The following WIPF3 variants were observed in gnomAD, a reference collection of about 807,000 sequenced individuals.
WIPF3 encodes WAS/WASL-interacting protein family member 3.
In WIPF3, 33 loss-of-function variants were observed where a neutral mutation model predicts 38.9. That is an observed-to-expected ratio of 0.85 (90% confidence interval 0.64 to 1.14). The LOEUF (loss-of-function observed/expected upper bound fraction) is 1.14, where lower values mean the gene tolerates loss of function less well. Among genes scored for constraint, WIPF3 ranks in the 50% most tolerant of loss-of-function variants. The pLI is 0.00. For missense variants in WIPF3, 711 were observed against 652.5 expected (o/e 1.09, Z -0.98); for synonymous variants, 324 against 269.3 (o/e 1.20, Z -1.99).
chr7:29,851,961 G>C (rs923353277), intron 2 of WIPF3, among the ~76,000 whole-genome samples: 7 of 151,932 alleles, frequency 4.6e-5, no homozygotes, highest in Non-Finnish European at 7.4e-5. Context: ...CTCCTCTAAA[G>C]CTTTTTATTT....
rs1786571501 is a variant in WIPF3, at chr7:29,914,648, T to C, written c.*132T>C. ...ATTGAGAATTTATTTATTGTAAATA[T>C]GTGATTTGCACGGGCTTTAAAGCAG... On this transcript the variant is annotated 3_prime_UTR_variant, in exon 9 of 9. Transcript: ENST00000242140. The C allele has an allele frequency of 5.3e-6, 3 of 561,950 alleles. No individual in the cohort carries two copies. Among genetic ancestry groups the C allele is most frequent in the Admixed American group, 4.2e-5 (1 of 23,778 alleles). 34.8% of individuals were successfully genotyped at this position (561,950 alleles called of 1,614,324 possible).
intron 1 of WIPF3, among the ~76,000 whole-genome samples, chr7:29,816,792 A>G (rs1784464756): frequency 6.6e-6 from 1 of 152,204 alleles, no homozygotes; most frequent in African/African-American, 2.4e-5. Flanking sequence ...TTCAGTTGAC[A>G]GGTATATACA....
chr7:29,829,501 G>T (rs1784682347), intron 1 of WIPF3, among the ~76,000 whole-genome samples: 1 of 152,102 alleles, frequency 6.6e-6, no homozygotes, highest in African/African-American at 2.4e-5. Flanking sequence ...TTACAGGCGT[G>T]AGCCACCGTG....
At chr7:29,902,424 G>C (rs1033542528) in intron 7 of WIPF3, among the ~76,000 whole-genome samples, 6 of 152,032 alleles carry the variant, frequency 3.9e-5, no homozygotes, top group African/African-American at 1.4e-4. Flanking sequence ...TTTGATTAAT[G>C]TGTTATAAGT....
intron 1 of WIPF3, among the ~76,000 whole-genome samples, chr7:29,819,951 G>C (rs1344456507): frequency 6.6e-6 from 1 of 152,018 alleles, no homozygotes; most frequent in Non-Finnish European, 1.5e-5. Context: ...TCTGTGGCTA[G>C]TTTAGGGACA....
At chr7:29,851,589 C>T (rs200664667) in intron 2 of WIPF3, among the ~76,000 whole-genome samples, 2 of 152,162 alleles carry the variant, frequency 1.3e-5, no homozygotes, top group East Asian at 3.9e-4. Flanking sequence ...GCCTGTTTGG[C>T]TTAGATAAAA....
chr7:29,867,235 A>G (rs1333405256), intron 2 of WIPF3, among the ~76,000 whole-genome samples: 1 of 152,130 alleles, frequency 6.6e-6, no homozygotes, highest in Non-Finnish European at 1.5e-5. Flanking sequence ...AGGAGCCGGG[A>G]CTCTGTAAAA....
rs74622459 is a variant in WIPF3, at chr7:29,887,325, C to T, written c.1100-743C>T. Among the ~76,000 whole-genome samples the T allele has an allele frequency of 2.2e-3, 329 of 152,268 alleles. 2 individuals are homozygous for T. Among genetic ancestry groups the T allele is most frequent in the African/African-American group, 7.6e-3 (315 of 41,548 alleles). On this transcript the variant is annotated intron_variant, in intron 5 of 8. Transcript: ENST00000242140. ...ATGTAATTGTCATCATTTCAAGAAG[C>T]AAAGTGATGTTTGCAGTGCCACTGA... is the stretch of plus-strand genomic sequence containing the variant.
At chr7:29,809,252 A>T (rs1354989707) in intron 1 of WIPF3, among the ~76,000 whole-genome samples, 1 of 152,176 alleles carries the variant, frequency 6.6e-6, no homozygotes, top group African/African-American at 2.4e-5. Flanking sequence ...ACCAGTTTCA[A>T]GTTGCAGAGT....
intron 6 of WIPF3, 124 bp from the exon 7 acceptor site, chr7:29,889,182 T>C (rs937614939): frequency 4.1e-6 from 3 of 735,600 alleles, no homozygotes; most frequent in Non-Finnish European, 7.1e-6. Flanking sequence ...TTAAAATCCT[T>C]GCACTGAGCA....
intron 2 of WIPF3, among the ~76,000 whole-genome samples, chr7:29,839,298 T>C (rs1784878523): frequency 6.6e-6 from 1 of 152,238 alleles, no homozygotes; most frequent in Non-Finnish European, 1.5e-5. Context: ...AATTAATTTG[T>C]AACTTCCAAT....
At chr7:29,874,764 A>G (rs1284393896) in intron 2 of WIPF3, among the ~76,000 whole-genome samples, 7 of 152,180 alleles carry the variant, frequency 4.6e-5, no homozygotes, top group South Asian at 2.1e-4. Context: ...AACCTCCACC[A>G]TGTCAGCTGA....
chr7:29,841,106 A>C (rs1784905487), intron 2 of WIPF3, among the ~76,000 whole-genome samples: 1 of 152,226 alleles, frequency 6.6e-6, no homozygotes, highest in Admixed American at 6.5e-5. Context: ...TTCTCTGGTC[A>C]AGCAGAGAGC....
At chr7:29,853,487 C>T (rs776510370) in intron 2 of WIPF3, among the ~76,000 whole-genome samples, 18 of 152,210 alleles carry the variant, frequency 1.2e-4, no homozygotes, top group Non-Finnish European at 2.5e-4. Context: ...GTCCCCTCCA[C>T]CACAGTGCAT....
intron 1 of WIPF3, among the ~76,000 whole-genome samples, chr7:29,828,705 G>A (rs1264023349): frequency 3.9e-5 from 6 of 152,136 alleles, no homozygotes; most frequent in South Asian, 2.1e-4. Context: ...GCCATGTCCC[G>A]CCTGCGCTCT....
chr7:29,884,465 C>A lies in WIPF3; in HGVS notation c.971C>A (p.Pro324His), dbSNP rs376589211. The A allele has an allele frequency of 6.4e-7, 1 of 1,559,914 alleles. No individual in the cohort carries two copies. Among genetic ancestry groups the A allele is most frequent in the Non-Finnish European group, 8.7e-7 (1 of 1,152,746 alleles). The change falls in exon 5 of 9, where the codon CCC (proline) becomes CAC (histidine). Residue 324 changes from proline (P) to histidine (H), a missense_variant. Physicochemically the swap from Pro to His is moderately conservative, Grantham distance 77. Coordinates refer to ENST00000242140, the MANE Select transcript of WIPF3 (RefSeq NM_001080529.3). ...GTTAATAGCAGCAGTGAAACTCCAC[C>A]CCCGCTACCCCCTAAATCCCCCAGC... ...PGVNSSSETP[P>H]PLPPKSPSFQ...
At chr7:29,816,143 A>G (rs1055950872) in intron 1 of WIPF3, among the ~76,000 whole-genome samples, 10 of 152,220 alleles carry the variant, frequency 6.6e-5, no homozygotes, top group Non-Finnish European at 1.5e-4. Context: ...TGAGGTGGTA[A>G]TCCTGAACTT....
chr7:29,854,622 G>C (rs780601166), intron 2 of WIPF3, among the ~76,000 whole-genome samples: 5 of 152,146 alleles, frequency 3.3e-5, no homozygotes, highest in Non-Finnish European at 7.3e-5. Flanking sequence ...CAGGTCGCTT[G>C]TTCACAATTA....
chr7:29,827,326 G>A (rs1252888033), intron 1 of WIPF3, among the ~76,000 whole-genome samples: 1 of 152,134 alleles, frequency 6.6e-6, no homozygotes, highest in East Asian at 1.9e-4. Context: ...TGTGAACAGA[G>A]AATTTGCTCA....
Sources: allele counts gnomAD v4.1 joint callset (sites outside exome capture counted in the v4.1 genomes callset), GRCh38; gene constraint gnomAD v4.1.1; transcripts MANE v1.5; gene names NCBI Gene and HGNC (gene_info 2026-07-23, HGNC 2026-07-21).